The following CDH13 variants were observed in gnomAD, a reference collection of about 807,000 sequenced individuals.
CDH13 encodes the protein cadherin 13, also known as cadherin-13.
In CDH13, 24 loss-of-function variants were observed where a neutral mutation model predicts 63.8. The observed-to-expected ratio is 0.38, with a 90% CI of 0.27 to 0.53. The LOEUF is 0.53. CDH13 is among the 20% of genes least tolerant of loss of function. The pLI, the probability that CDH13 is intolerant of heterozygous loss-of-function variation, is 0.85. For synonymous variants in CDH13, 503 were observed against 355.3 expected, an observed-to-expected ratio of 1.42 and a Z score of -4.67; for missense variants, 1,049 against 903.1, an observed-to-expected ratio of 1.16 and a Z score of -2.07.
chr16:83,034,441 G>A (rs752106851), intron 3 of CDH13, among the ~76,000 whole-genome samples: 5 of 152,182 alleles, frequency 3.3e-5, no homozygotes, highest in African/African-American at 4.8e-5. Flanking sequence ...ATACCAGTGT[G>A]GAAATCCATT....
At position 83,057,949 on chromosome 16, in the gene CDH13, A is replaced by G. The variant is rs560954310; in HGVS notation, c.366+25731A>G. ...AAGGCATTAAAATGGGGTCGGGGAA[A>G]TGTCTTACAAATGATATTTTTTAAA... On this transcript the variant is annotated intron_variant, in intron 3 of 13. Transcript: ENST00000567109. Among the ~76,000 whole-genome samples the G allele has an allele frequency of 5.9e-5, 9 of 152,326 alleles. No individual in the cohort carries two copies. The South Asian group carries it at 1.0e-3, about 18-fold the overall frequency.
chr16:82,922,949 A>AT lies in CDH13; in HGVS notation c.157+64482dup, dbSNP rs373292292. On this transcript the variant is annotated intron_variant, in intron 2 of 13. Transcript: ENST00000567109. Reference sequence around the variant, plus strand: ...TATTGCAATAAAGCAAGTCACACATATTTTTTGTATCCCAGTGAATATGAG... The same window carrying AT: ...TATTGCAATAAAGCAAGTCACACATATTTTTTTGTATCCCAGTGAATATGAG... Among the ~76,000 whole-genome samples, 619 of 152,284 alleles carry AT rather than the reference A, an allele frequency of 4.1e-3. 5 individuals are homozygous for AT. The highest frequency in any genetic ancestry group is 0.01 in the African/African-American group (429 of 41,566).
chr16:83,631,134 C>T (rs1387406586), intron 8 of CDH13, among the ~76,000 whole-genome samples: 1 of 152,168 alleles, frequency 6.6e-6, no homozygotes, highest in Non-Finnish European at 1.5e-5. Flanking sequence ...AGGCATTTTG[C>T]AGCCAGCAGA....
intron 7 of CDH13, among the ~76,000 whole-genome samples, chr16:83,523,721 A>T (rs1285696266): frequency 6.6e-6 from 1 of 152,188 alleles, no homozygotes; most frequent in Non-Finnish European, 1.5e-5. Context: ...GTCCGGTTGC[A>T]CATCCCAGAA....
intron 6 of CDH13, among the ~76,000 whole-genome samples, chr16:83,352,006 G>A (rs2090961060): frequency 6.6e-6 from 1 of 152,198 alleles, no homozygotes; most frequent in African/African-American, 2.4e-5. Flanking sequence ...TGGATATTGT[G>A]GTGGAGGCAG....
intron 3 of CDH13, among the ~76,000 whole-genome samples, chr16:83,125,038 A>G (rs984108424): frequency 6.6e-6 from 1 of 152,242 alleles, no homozygotes; most frequent in African/African-American, 2.4e-5. Context: ...TTTTATATCT[A>G]AGCAAGTCCT....
intron 6 of CDH13, among the ~76,000 whole-genome samples, chr16:83,447,294 A>C (rs967915357): frequency 7.9e-5 from 12 of 151,484 alleles, no homozygotes; most frequent in African/African-American, 2.9e-4. Flanking sequence ...GGGTGCTTCT[A>C]ATCCCAGCTA....
At chr16:83,514,001 C>T (rs2074638589) in intron 7 of CDH13, among the ~76,000 whole-genome samples, 1 of 152,088 alleles carries the variant, frequency 6.6e-6, no homozygotes, top group African/African-American at 2.4e-5. Context: ...AAAAGTTCAT[C>T]ATCAGGAGCT....
At chr16:82,808,078 T>A (rs937681020) in intron 1 of CDH13, among the ~76,000 whole-genome samples, 1 of 152,054 alleles carries the variant, frequency 6.6e-6, no homozygotes, top group African/African-American at 2.4e-5. Flanking sequence ...AGTCCCAGGG[T>A]CTTACTTGGG....
chr16:83,262,125 C>T (rs140134224), intron 5 of CDH13, among the ~76,000 whole-genome samples: 8 of 152,314 alleles, frequency 5.3e-5, no homozygotes, highest in Non-Finnish European at 1.2e-4. Context: ...AGACACACAA[C>T]TGGCTTATTG....
At chr16:83,283,047 T>A (rs1325799555) in intron 5 of CDH13, among the ~76,000 whole-genome samples, 1 of 152,214 alleles carries the variant, frequency 6.6e-6, no homozygotes, top group Admixed American at 6.5e-5. Flanking sequence ...ATTCTGTATT[T>A]AGAAGAAGAA....
At chr16:83,778,324 G>A (rs941216342) in intron 11 of CDH13, among the ~76,000 whole-genome samples, 5 of 152,182 alleles carry the variant, frequency 3.3e-5, no homozygotes, top group East Asian at 1.9e-4. Flanking sequence ...GAAGTCAGGC[G>A]TTTGAGACCA....
intron 8 of CDH13, among the ~76,000 whole-genome samples, chr16:83,667,748 C>T (rs1482588431): frequency 1.3e-5 from 2 of 152,184 alleles, no homozygotes; most frequent in African/African-American, 4.8e-5. Context: ...GCCTCAAACT[C>T]CTACACTCAA....
At chr16:83,288,640 C>A (rs1054407936) in intron 5 of CDH13, among the ~76,000 whole-genome samples, 2 of 152,196 alleles carry the variant, frequency 1.3e-5, no homozygotes, top group African/African-American at 4.8e-5. Flanking sequence ...AAGCTTGTGT[C>A]CCCAAGACTT....
At chr16:83,115,130 G>T (rs1332746624) in intron 3 of CDH13, among the ~76,000 whole-genome samples, 5 of 152,306 alleles carry the variant, frequency 3.3e-5, no homozygotes, top group East Asian at 1.9e-4. Context: ...TCCTTGAAAA[G>T]GTAGTCTCCA....
chr16:82,695,241 T>A (rs924817816), intron 1 of CDH13, among the ~76,000 whole-genome samples: 6 of 152,170 alleles, frequency 3.9e-5, no homozygotes, highest in Non-Finnish European at 1.5e-5. Flanking sequence ...AGATACAGTA[T>A]TTAGAGTATC....
intron 3 of CDH13, among the ~76,000 whole-genome samples, chr16:83,110,599 C>G (rs1428042665): frequency 6.6e-6 from 1 of 152,174 alleles, no homozygotes; most frequent in African/African-American, 2.4e-5. Flanking sequence ...TACTTACTGT[C>G]TATACATTAC....
chr16:83,451,481 G>C (rs1315688560), intron 6 of CDH13, among the ~76,000 whole-genome samples: 1 of 152,100 alleles, frequency 6.6e-6, no homozygotes, highest in Non-Finnish European at 1.5e-5. Flanking sequence ...GATTTGGGTG[G>C]GGACACAGCC....
At position 83,344,829 on chromosome 16, in the gene CDH13, C is replaced by G. The variant is rs572315002; in HGVS notation, c.637-33C>G. ...TTGAATTTTCATAATGAATTAATAT[C>G]TTCTTTCTCCCCCAATCTCTTTGCT... On this transcript the variant is annotated intron_variant, in intron 5 of 13. Transcript: ENST00000567109. The G allele has an allele frequency of 1.9e-6, 3 of 1,609,628 alleles. No homozygotes were observed. The African/African-American group carries it at 4.0e-5, about 21-fold the overall frequency.
Sources: allele counts gnomAD v4.1 joint callset (sites outside exome capture counted in the v4.1 genomes callset), GRCh38; gene constraint gnomAD v4.1.1; transcripts MANE v1.5; gene names NCBI Gene and HGNC (gene_info 2026-07-23, HGNC 2026-07-21).